The following NRXN1 variants were observed in gnomAD, a reference collection of about 807,000 sequenced individuals.
NRXN1 encodes the protein neurexin-1.
Under a neutral mutation model 150.9 loss-of-function variants are expected in NRXN1, and 39 were observed. The ratio of observed to expected loss-of-function variants is 0.26; its 90% CI spans 0.20 to 0.34. The LOEUF is 0.34. Ranked by LOEUF, NRXN1 falls within the 10% of genes least tolerant of loss-of-function variation. The probability of loss-of-function intolerance (pLI) is 1.00; values close to 1 mark genes in which losing one functional copy is unlikely to be tolerated. For missense variants in NRXN1, 1,815 were observed against 1,949.9 expected (o/e 0.93, Z 1.30); for synonymous variants, 924 against 757.0 (o/e 1.22, Z -3.62).
At chr2:50,567,258 A>T (rs913691841) in intron 8 of NRXN1, among the ~76,000 whole-genome samples, 1 of 152,222 alleles carries the variant, frequency 6.6e-6, no homozygotes, top group Admixed American at 6.5e-5. Flanking sequence ...CACTAGGATG[A>T]ATAACATTCA....
intron 17 of NRXN1, among the ~76,000 whole-genome samples, chr2:50,450,140 T>A (rs953588830): frequency 2.0e-5 from 3 of 152,262 alleles, no homozygotes; most frequent in Admixed American, 2.0e-4. Context: ...GTGATCACTT[T>A]ATATATAAAT....
chr2:50,542,789 C>T (rs1222869663), intron 9 of NRXN1, among the ~76,000 whole-genome samples: 3 of 152,056 alleles, frequency 2.0e-5, no homozygotes, highest in Non-Finnish European at 4.4e-5. Flanking sequence ...ATTTGAATCC[C>T]AGACCTCCTT....
intron 17 of NRXN1, among the ~76,000 whole-genome samples, chr2:50,286,075 A>T (rs1202735760): frequency 6.6e-6 from 1 of 152,186 alleles, no homozygotes; most frequent in Non-Finnish European, 1.5e-5. Flanking sequence ...GTATATATAC[A>T]TTGCAGAATG....
intron 3 of NRXN1, 116 bp from the exon 4 acceptor site, chr2:50,922,803 G>T: frequency 2.0e-6 from 2 of 1,016,982 alleles, no homozygotes; most frequent in South Asian, 1.4e-5. Context: ...AGACATGTCT[G>T]TATCACAGAG....
At chr2:50,401,323 A>C (rs966414534) in intron 17 of NRXN1, among the ~76,000 whole-genome samples, 7 of 152,122 alleles carry the variant, frequency 4.6e-5, no homozygotes, top group African/African-American at 1.7e-4. Context: ...CAATATCACT[A>C]ATGGTTTGAA....
At chr2:50,067,791 T>C (rs1323967457) in intron 19 of NRXN1, among the ~76,000 whole-genome samples, 2 of 152,224 alleles carry the variant, frequency 1.3e-5, no homozygotes, top group South Asian at 2.1e-4. Context: ...TTCCCAGATA[T>C]GAGAATCTTG....
chr2:50,664,170 T>A (rs552910687), intron 5 of NRXN1, among the ~76,000 whole-genome samples: 1 of 152,040 alleles, frequency 6.6e-6, no homozygotes, highest in African/African-American at 2.4e-5. Flanking sequence ...CTAAAAGGAA[T>A]ATTAAAATTT....
intron 21 of NRXN1, among the ~76,000 whole-genome samples, chr2:49,971,968 C>T (rs935823187): frequency 6.6e-6 from 1 of 152,106 alleles, no homozygotes; most frequent in Non-Finnish European, 1.5e-5. Flanking sequence ...AAATTCTCTA[C>T]ATTAATTAAT....
intron 5 of NRXN1, among the ~76,000 whole-genome samples, chr2:50,735,569 G>A (rs1698633811): frequency 6.6e-6 from 1 of 152,120 alleles, no homozygotes; most frequent in Non-Finnish European, 1.5e-5. Flanking sequence ...AGACACTGCA[G>A]TCCCTCATTT....
chr2:50,822,186 T>C lies in NRXN1; in HGVS notation c.832+99683A>G, dbSNP rs564359252. Among the ~76,000 whole-genome samples the C allele has an allele frequency of 2.2e-4, 34 of 152,206 alleles. No individual in the cohort carries two copies. In the South Asian group the frequency reaches 6.8e-3, roughly 31 times the overall value. ...AGTGCTAACATAAATTTTTAAAATA[T>C]AAAACAAAGTGAAAGATTAGTATAA... is the stretch of plus-strand genomic sequence containing the variant. On this transcript the variant is annotated intron_variant, in intron 5 of 22. Coordinates refer to ENST00000401669, the MANE Select transcript of NRXN1 (RefSeq NM_001330078.2).
chr2:50,464,882 A>C (rs1362328726), intron 17 of NRXN1, among the ~76,000 whole-genome samples: 1 of 151,982 alleles, frequency 6.6e-6, no homozygotes, highest in Middle Eastern at 3.4e-3. Flanking sequence ...CATGTGTTTT[A>C]TTTTCATGCT....
chr2:50,670,735 G>A (rs911787848), intron 5 of NRXN1, among the ~76,000 whole-genome samples: 2 of 151,916 alleles, frequency 1.3e-5, no homozygotes, highest in African/African-American at 2.4e-5. Context: ...CTCTTTTAAA[G>A]AGTATAGATC....
chr2:50,100,146 A>G (rs1013784759), intron 18 of NRXN1, among the ~76,000 whole-genome samples: 2 of 152,150 alleles, frequency 1.3e-5, no homozygotes, highest in African/African-American at 4.8e-5. Flanking sequence ...AGATTCTCCA[A>G]TTTAGGAGGA....
At chr2:50,042,237 C>A (rs1444226228) in intron 21 of NRXN1, among the ~76,000 whole-genome samples, 1 of 152,056 alleles carries the variant, frequency 6.6e-6, no homozygotes, top group African/African-American at 2.4e-5. Context: ...GTGTCCCCAC[C>A]CAAATCTCAT....
At chr2:50,413,330 A>G (rs1032769448) in intron 17 of NRXN1, among the ~76,000 whole-genome samples, 8 of 152,268 alleles carry the variant, frequency 5.3e-5, no homozygotes, top group Admixed American at 5.2e-4. Flanking sequence ...GGCATATGAA[A>G]AAGTGTTCAA....
intron 5 of NRXN1, among the ~76,000 whole-genome samples, chr2:50,681,105 G>A (rs1323003624): frequency 6.6e-6 from 1 of 152,130 alleles, no homozygotes; most frequent in African/African-American, 2.4e-5. Flanking sequence ...AGAGAAGTTG[G>A]TCTCTCAGGA....
At chr2:50,133,568 A>G (rs1269609899) in intron 18 of NRXN1, among the ~76,000 whole-genome samples, 1 of 152,148 alleles carries the variant, frequency 6.6e-6, no homozygotes, top group Non-Finnish European at 1.5e-5. Context: ...TTCTAATCCA[A>G]GGTGACAACT....
intron 2 of NRXN1, among the ~76,000 whole-genome samples, chr2:50,993,463 C>G (rs1039001015): frequency 6.6e-6 from 1 of 151,656 alleles, no homozygotes; most frequent in African/African-American, 2.4e-5. Flanking sequence ...AGCCATTCAC[C>G]CTTTCCCTTC....
At chr2:50,092,173 G>T (rs1193492967) in intron 18 of NRXN1, among the ~76,000 whole-genome samples, 1 of 152,180 alleles carries the variant, frequency 6.6e-6, no homozygotes, top group African/African-American at 2.4e-5. Context: ...TCTAAGCTAA[G>T]TTGAAGCAAA....
Sources: allele counts gnomAD v4.1 joint callset (sites outside exome capture counted in the v4.1 genomes callset), GRCh38; gene constraint gnomAD v4.1.1; transcripts MANE v1.5; gene names NCBI Gene and HGNC (gene_info 2026-07-23, HGNC 2026-07-21).